Variants in CTNNA3 observed in about 807,000 individuals in gnomAD.
CTNNA3 encodes catenin alpha-3.
CTNNA3 carries 76 observed loss-of-function variants against 95.7 expected under a neutral mutation model. The observed-to-expected ratio is 0.79, with a 90% CI of 0.66 to 0.96. The LOEUF is 0.96. CTNNA3 is among the 40% of genes least tolerant of loss of function. CTNNA3 has a pLI of 0.00. For missense variants in CTNNA3, 1,191 were observed against 1,089.8 expected (o/e 1.09, Z -1.31); for synonymous variants, 431 against 374.4 (o/e 1.15, Z -1.74).
At chr10:66,020,950 C>A (rs558522892) in intron 15 of CTNNA3, among the ~76,000 whole-genome samples, 46 of 152,208 alleles carry the variant, frequency 3.0e-4, no homozygotes, top group African/African-American at 1.1e-3. Context: ...TGGGATTACA[C>A]ACGTGAGCCA....
chr10:66,830,931 C>A (rs558857111), intron 7 of CTNNA3, among the ~76,000 whole-genome samples: 1 of 152,090 alleles, frequency 6.6e-6, no homozygotes, highest in South Asian at 2.1e-4. Context: ...CTTTAAGCAA[C>A]CTTTATGTCC....
At position 66,852,179 on chromosome 10, in the gene CTNNA3, G is replaced by A. The variant is rs10997410; in HGVS notation, c.1048-76655C>T. ...TGGTCATGCAAAAAGTATGGTACTT[G>A]ATTATATTTTATTTTATGGTACAGG... On this transcript the variant is annotated intron_variant, in intron 7 of 17. Transcript: ENST00000433211. Among the ~76,000 whole-genome samples the A allele has an allele frequency of 2.6e-5, 4 of 152,196 alleles. No individual in the cohort carries two copies. The East Asian group carries it at 7.7e-4, about 29-fold the overall frequency.
chr10:66,914,779 A>G (rs1057409870), intron 7 of CTNNA3, among the ~76,000 whole-genome samples: 1 of 152,206 alleles, frequency 6.6e-6, no homozygotes, highest in Non-Finnish European at 1.5e-5. Flanking sequence ...CAACTCTGCC[A>G]TTGTAGCTTG....
chr10:66,483,832 C>G (rs573814398), intron 11 of CTNNA3, among the ~76,000 whole-genome samples: 3 of 152,008 alleles, frequency 2.0e-5, no homozygotes, highest in Non-Finnish European at 4.4e-5. Flanking sequence ...CTAATGAACA[C>G]TAGTTTCCAT....
chr10:66,067,027 T>C (rs1235175320), intron 15 of CTNNA3, among the ~76,000 whole-genome samples: 16 of 152,058 alleles, frequency 1.1e-4, no homozygotes, highest in Non-Finnish European at 2.1e-4. Context: ...AATGAAGGAC[T>C]TAGAAGCAGC....
At position 65,988,749 on chromosome 10, in the gene CTNNA3, T is replaced by A. The variant is rs1413120739; in HGVS notation, c.2208A>T (p.Lys736Asn). 1.2e-6 allele frequency: 2 copies of A among 1,614,036 alleles called. No individual in the cohort carries two copies. The highest frequency in any genetic ancestry group is 1.7e-6 in the Non-Finnish European group (2 of 1,179,970). Reference protein sequence around the residue: ...KHTTDVIYAAKMISESGSRMD... With the variant: ...KHTTDVIYAANMISESGSRMD... ...TCCTTGATCCTGATTCTGATATCAT[T>A]TTCGCTGCATAGATCACATCAGTTG... The change falls in exon 16 of 18, where the codon AAA becomes AAT. Residue 736 changes from lysine (K) to asparagine (N), a missense_variant. Coordinates refer to ENST00000433211, the MANE Select transcript of CTNNA3 (RefSeq NM_013266.4).
chr10:67,380,309 A>G (rs1013135139), intron 5 of CTNNA3, among the ~76,000 whole-genome samples: 1 of 152,226 alleles, frequency 6.6e-6, no homozygotes, highest in African/African-American at 2.4e-5. Context: ...CTGAAAAAAG[A>G]GAACATACTA....
At chr10:67,386,515 C>T (rs1254248797) in intron 5 of CTNNA3, among the ~76,000 whole-genome samples, 1 of 152,116 alleles carries the variant, frequency 6.6e-6, no homozygotes, top group African/African-American at 2.4e-5. Flanking sequence ...GACTTCAACA[C>T]TTGTTTGAAC....
At chr10:67,226,761 A>G (rs1218556808) in intron 5 of CTNNA3, among the ~76,000 whole-genome samples, 1 of 152,200 alleles carries the variant, frequency 6.6e-6, no homozygotes, top group African/African-American at 2.4e-5. Context: ...AAACACATCA[A>G]AACAGAACCT....
At chr10:67,752,580 T>C (rs1841413056) in intron 1 of CTNNA3, among the ~76,000 whole-genome samples, 4 of 152,170 alleles carry the variant, frequency 2.6e-5, no homozygotes, top group South Asian at 2.1e-4. Context: ...GAAAATCCCA[T>C]TGTCTCAGCC....
At chr10:67,052,382 T>TAC (rs1855164525) in intron 7 of CTNNA3, among the ~76,000 whole-genome samples, 1 of 149,758 alleles carries the variant, frequency 6.7e-6, no homozygotes, top group East Asian at 2.0e-4. Context: ...GCCAATGCCT[T>TAC]ACTGTCTATT....
chr10:65,964,773 A>C (rs1329196394), intron 17 of CTNNA3, among the ~76,000 whole-genome samples: 1 of 152,220 alleles, frequency 6.6e-6, no homozygotes, highest in Admixed American at 6.5e-5. Flanking sequence ...ACTTTTTTAC[A>C]TATTTAAGGC....
intron 5 of CTNNA3, among the ~76,000 whole-genome samples, chr10:67,363,223 T>C (rs967789618): frequency 3.3e-5 from 5 of 152,082 alleles, no homozygotes; most frequent in Admixed American, 2.6e-4. Flanking sequence ...ATGCTATTCC[T>C]ATCAAACTAC....
chr10:67,240,605 A>T lies in CTNNA3; in HGVS notation c.580-20735T>A, dbSNP rs1204371961. 3.3e-5 allele frequency among the ~76,000 whole-genome samples: 5 copies of T among 152,344 alleles called. No individual in the cohort carries two copies. In the South Asian group the frequency reaches 1.0e-3, roughly 32 times the overall value. On this transcript the variant is annotated intron_variant, in intron 5 of 17. Coordinates refer to ENST00000433211, the MANE Select transcript of CTNNA3 (RefSeq NM_013266.4). ...TTGTCATTTCATAGAAATAGGACAG[A>T]TTCAATAAAAGAGAAAATAAAAGAA...
At chr10:65,927,779 T>C (rs774941548) in intron 17 of CTNNA3, among the ~76,000 whole-genome samples, 3 of 152,180 alleles carry the variant, frequency 2.0e-5, no homozygotes, top group Non-Finnish European at 2.9e-5. Flanking sequence ...AACTATTTTG[T>C]ATTGTATGTT....
intron 10 of CTNNA3, among the ~76,000 whole-genome samples, chr10:66,544,907 T>G (rs975238925): frequency 6.6e-6 from 1 of 152,164 alleles, no homozygotes; most frequent in Non-Finnish European, 1.5e-5. Flanking sequence ...TCTGTCCTTC[T>G]ACTGGTTTGG....
At position 67,647,461 on chromosome 10, in the gene CTNNA3, AC is replaced by A; in HGVS notation, c.52del (p.Val18SerfsTer14). 3 of 1,613,514 alleles carry A rather than the reference AC, an allele frequency of 1.9e-6. No individual in the cohort carries two copies. Among genetic ancestry groups the A allele is most frequent in the South Asian group, 2.2e-5 (2 of 91,030 alleles). On this transcript the variant is annotated frameshift_variant, in exon 2 of 18. Coordinates refer to ENST00000433211, the MANE Select transcript of CTNNA3 (RefSeq NM_013266.4). LOFTEE classifies it high-confidence loss of function. ...TLNIDPQDLQ[V>X]QTFTVEKLLE... ...TAGCTTCTCCACGGTGAATGTTTGG[AC>A]CTGCAGATCCTGAGGATCGATATTC...
chr10:66,926,590 AT>A, intron 7 of CTNNA3: 1 of 1,614,030 alleles, frequency 6.2e-7, no homozygotes, highest in Non-Finnish European at 8.5e-7. Flanking sequence ...AAGGATGGGT[AT>A]GTTTTGTCAT....
intron 1 of CTNNA3, among the ~76,000 whole-genome samples, chr10:67,733,221 T>C (rs1011972731): frequency 3.9e-5 from 6 of 152,210 alleles, no homozygotes; most frequent in African/African-American, 1.4e-4. Flanking sequence ...AGCTAAGTTT[T>C]AGAAAAGCTG....
Sources: gnomAD v4.1 joint callset for allele counts (sites outside exome capture counted in the v4.1 genomes callset) on GRCh38, gnomAD v4.1.1 for gene constraint, MANE v1.5 for transcripts, NCBI Gene and HGNC (gene_info 2026-07-23, HGNC 2026-07-21) for gene names.